The following CSTPP1 variants were observed in gnomAD, a reference collection of about 807,000 sequenced individuals.
CSTPP1 encodes the protein UPF0705 protein C11orf49.
the CSTPP1 span, among the ~76,000 whole-genome samples, chr11:46,971,170 T>G: frequency 6.6e-6 from 1 of 152,222 alleles, no homozygotes; most frequent in Non-Finnish European, 1.5e-5. Flanking sequence ...CTTATCCTGT[T>G]TTTACTTCAC....
the CSTPP1 span, among the ~76,000 whole-genome samples, chr11:47,154,010 G>T: frequency 6.6e-6 from 1 of 151,888 alleles, no homozygotes; most frequent in East Asian, 1.9e-4. Flanking sequence ...TGTGATCTCC[G>T]CTCACTGCAA....
chr11:47,118,768 G>A, the CSTPP1 span, among the ~76,000 whole-genome samples: 1 of 152,132 alleles, frequency 6.6e-6, no homozygotes, highest in South Asian at 2.1e-4. Flanking sequence ...TGTTTGCCTG[G>A]GTATCACCAG....
the CSTPP1 span, among the ~76,000 whole-genome samples, chr11:46,995,588 T>C: frequency 1.3e-5 from 2 of 152,244 alleles, no homozygotes; most frequent in African/African-American, 4.8e-5. Flanking sequence ...TGATTGGTTT[T>C]GAGAGAGTTT....
At chr11:47,107,859 C>CT in the CSTPP1 span, among the ~76,000 whole-genome samples, 1 of 152,100 alleles carries the variant, frequency 6.6e-6, no homozygotes, top group Non-Finnish European at 1.5e-5. Context: ...TACAATTCCC[C>CT]CCCAGTTCCC....
the CSTPP1 span, among the ~76,000 whole-genome samples, chr11:47,101,984 G>A: frequency 1.2e-4 from 18 of 152,156 alleles, no homozygotes; most frequent in African/African-American, 4.3e-4. Flanking sequence ...TTGTAAAAGG[G>A]GAATAGTGAC....
the CSTPP1 span, among the ~76,000 whole-genome samples, chr11:47,087,681 T>C: frequency 6.6e-6 from 1 of 152,020 alleles, no homozygotes; most frequent in African/African-American, 2.4e-5. Flanking sequence ...CCTGGCAACA[T>C]GGCGAGACTC....
chr11:47,025,593 T>C, the CSTPP1 span, among the ~76,000 whole-genome samples: 4 of 152,312 alleles, frequency 2.6e-5, no homozygotes, highest in African/African-American at 4.8e-5. Flanking sequence ...AGAGTTGATA[T>C]ATTTAATACT....
At chr11:47,151,148 T>C in the CSTPP1 span, among the ~76,000 whole-genome samples, 62 of 152,206 alleles carry the variant, frequency 4.1e-4, no homozygotes, top group Non-Finnish European at 8.1e-4. Context: ...AGAAGAAGGC[T>C]CACGCCTGTA....
At chr11:46,936,894 C>T in the CSTPP1 span, 1 of 1,482,434 alleles carries the variant, frequency 6.7e-7, no homozygotes. Context: ...GACGTGCAGA[C>T]GAATTAGGCC....
chr11:47,086,234 C>CAAAAAAAAAAAAAAAAAAAAAAAA, the CSTPP1 span, among the ~76,000 whole-genome samples: 6 of 89,434 alleles, frequency 6.7e-5, 3 homozygotes, highest in Non-Finnish European at 8.1e-5. Context: ...ACTAAAAATC[C>CAAAAAAAAAAAAAAAAAAAAAAAA]AAAAAAAAAA....
the CSTPP1 span, among the ~76,000 whole-genome samples, chr11:47,065,977 TTG>T: frequency 2.6e-3 from 379 of 146,066 alleles, 2 homozygotes; most frequent in African/African-American, 8.4e-3. Flanking sequence ...GGTCTAACAG[TTG>T]TGTGTGTGTG....
At chr11:47,011,513 A>G in the CSTPP1 span, among the ~76,000 whole-genome samples, 372 of 152,330 alleles carry the variant, frequency 2.4e-3, 1 homozygote, top group African/African-American at 8.1e-3. Context: ...TGTGGGCACA[A>G]TTTCAAAGAT....
At chr11:47,062,044 G>A in the CSTPP1 span, among the ~76,000 whole-genome samples, 1 of 151,964 alleles carries the variant, frequency 6.6e-6, no homozygotes, top group Non-Finnish European at 1.5e-5. Flanking sequence ...GTAGGTTTTA[G>A]TTTTAAAGGT....
the CSTPP1 span, among the ~76,000 whole-genome samples, chr11:47,086,867 G>A: frequency 6.6e-6 from 1 of 152,186 alleles, no homozygotes; most frequent in Non-Finnish European, 1.5e-5. Flanking sequence ...AGTAGACAAT[G>A]TAAACTTACT....
chr11:47,038,865 C>A, the CSTPP1 span, among the ~76,000 whole-genome samples: 1 of 116,604 alleles, frequency 8.6e-6, no homozygotes, highest in African/African-American at 2.6e-5. Flanking sequence ...ACTTCTCAGA[C>A]GGGGCGGCTG....
the CSTPP1 span, among the ~76,000 whole-genome samples, chr11:47,034,357 G>A: frequency 6.6e-6 from 1 of 152,038 alleles, no homozygotes; most frequent in African/African-American, 2.4e-5. Flanking sequence ...AAATAGTAGA[G>A]TTAGCCCATC....
chr11:47,125,145 C>T, the CSTPP1 span, among the ~76,000 whole-genome samples: 1 of 152,154 alleles, frequency 6.6e-6, no homozygotes, highest in South Asian at 2.1e-4. Flanking sequence ...ATTACATATA[C>T]CCATAAAAGA....
chr11:47,164,226 C>G, the CSTPP1 span: 2 of 1,613,608 alleles, frequency 1.2e-6, no homozygotes, highest in East Asian at 4.5e-5. Flanking sequence ...GACGCCCTAC[C>G]ATTACCGGTG....
At chr11:47,023,839 G>A in the CSTPP1 span, among the ~76,000 whole-genome samples, 1 of 152,022 alleles carries the variant, frequency 6.6e-6, no homozygotes, top group Non-Finnish European at 1.5e-5. Context: ...ATCACATTTT[G>A]CTTATCTGTC....
Sources: allele counts gnomAD v4.1 joint callset (sites outside exome capture counted in the v4.1 genomes callset), GRCh38; gene constraint gnomAD v4.1.1; transcripts MANE v1.5; gene names NCBI Gene and HGNC (gene_info 2026-07-23, HGNC 2026-07-21).